The following ZMYM4 variants were observed in gnomAD, a reference collection of about 807,000 sequenced individuals.
ZMYM4 encodes zinc finger MYM-type protein 4.
In ZMYM4, 31 loss-of-function variants were observed where a neutral mutation model predicts 183.2. The ratio of observed to expected loss-of-function variants is 0.17; its 90% CI spans 0.13 to 0.23. The LOEUF (loss-of-function observed/expected upper bound fraction) is 0.23, where lower values mean the gene tolerates loss of function less well. ZMYM4 is among the 10% of genes least tolerant of loss of function. The pLI is 1.00. For missense variants in ZMYM4, 1,273 were observed against 1,840.3 expected (o/e 0.69, Z 5.64); for synonymous variants, 592 against 631.2 (o/e 0.94, Z 0.93).
intron 1 of ZMYM4, among the ~76,000 whole-genome samples, chr1:35,276,960 T>C (rs60404627): frequency 0.064 from 9,686 of 152,280 alleles, 928 homozygotes; most frequent in East Asian, 0.44. Context: ...ATGCTATTTA[T>C]TTGTTGAAAA....
rs2149054418 is a variant in ZMYM4, at chr1:35,420,355, G to C, written c.*678G>C. 1 of 153,140 alleles carries C rather than the reference G, an allele frequency of 6.5e-6. No individual in the cohort carries two copies. Among genetic ancestry groups the C allele is most frequent in the Admixed American group, 6.5e-5 (1 of 15,378 alleles). The allele number at this position is 153,140 out of a possible 1,614,324, so 9.5% of individuals were successfully genotyped here. On this transcript the variant is annotated 3_prime_UTR_variant, in exon 30 of 30. Transcript: ENST00000314607. ...TCAAGCCTTCTCAGCGGTGGGTCTG[G>C]ATGTGGGTAAACTAAGGTAAAGGGG...
chr1:35,323,073 C>G (rs1383742744), intron 1 of ZMYM4, among the ~76,000 whole-genome samples: 1 of 151,896 alleles, frequency 6.6e-6, no homozygotes, highest in Admixed American at 6.6e-5. Flanking sequence ...AATCTCGGCT[C>G]ACTGCAACCT....
Position 35,350,855 on chromosome 1 carries a change from A to G in ZMYM4, c.86-8070A>G, listed in dbSNP as rs1229413750. 5.2e-6 allele frequency: 3 copies of G among 573,122 alleles called. No homozygotes were observed. The East Asian group carries it at 9.0e-5, about 17-fold the overall frequency. The allele number at this position is 573,122 out of a possible 1,614,324, so 35.5% of individuals were successfully genotyped here. Reference sequence around the variant, plus strand: ...GTGATACAGGATAAAAATAAATACAAAACACACAAATACAGGATGATAATT... The same window carrying G: ...GTGATACAGGATAAAAATAAATACAGAACACACAAATACAGGATGATAATT... On this transcript the variant is annotated intron_variant, in intron 2 of 29. Transcript: ENST00000314607.
rs1420160407 is a variant in ZMYM4 at position 35,296,880 on chromosome 1, G to A, written c.39+27795G>A. ...TTTTTTTTTTTGAGATGGGAGTTTC[G>A]CTCTTATTGCCCAGGCTGGAGTGCA... On this transcript the variant is annotated intron_variant, in intron 1 of 29. Coordinates refer to ENST00000314607, the MANE Select transcript of ZMYM4 (RefSeq NM_005095.3). Among the ~76,000 whole-genome samples, 17 of 105,556 alleles carry A rather than the reference G, an allele frequency of 1.6e-4. 2 individuals carry two copies. The highest frequency in any genetic ancestry group is 5.0e-4 in the African/African-American group (13 of 25,876). The allele number at this position is 105,556 out of a possible 152,430, so 69.2% of individuals were successfully genotyped here.
chr1:35,326,418 A>G (rs1393307105), intron 2 of ZMYM4, among the ~76,000 whole-genome samples: 2 of 152,208 alleles, frequency 1.3e-5, no homozygotes, highest in Admixed American at 1.3e-4. Context: ...TTTGCAAAGC[A>G]AACATTGTCA....
At chr1:35,284,125 C>T (rs1171355057) in intron 1 of ZMYM4, among the ~76,000 whole-genome samples, 9 of 151,858 alleles carry the variant, frequency 5.9e-5, no homozygotes, top group African/African-American at 1.7e-4. Context: ...TACAGGTGCC[C>T]GCCACCGCGC....
In ZMYM4 at chr1:35,286,384, A is replaced by G. The variant is rs1640481434; in HGVS notation, c.39+17299A>G. 1.3e-5 allele frequency among the ~76,000 whole-genome samples: 2 copies of G among 152,144 alleles called. 1 individual carries two copies. The highest frequency in any genetic ancestry group is 2.9e-5 in the Non-Finnish European group (2 of 68,026). Reference sequence around the variant, plus strand: ...TTGAAAGATTCCTCCCCGTCCGCCAAAAAAATAGAACCAGGCTCATCTATA... The same window carrying G: ...TTGAAAGATTCCTCCCCGTCCGCCAGAAAAATAGAACCAGGCTCATCTATA... On this transcript the variant is annotated intron_variant, in intron 1 of 29. Coordinates refer to ENST00000314607, the MANE Select transcript of ZMYM4 (RefSeq NM_005095.3).
At chr1:35,356,300 C>T (rs962945464) in intron 2 of ZMYM4, among the ~76,000 whole-genome samples, 18 of 152,160 alleles carry the variant, frequency 1.2e-4, no homozygotes, top group Non-Finnish European at 2.1e-4. Context: ...ACTTCTCATG[C>T]ACTATAGAAC....
chr1:35,412,485 T>A (rs1639953319), intron 26 of ZMYM4, among the ~76,000 whole-genome samples: 1 of 152,142 alleles, frequency 6.6e-6, no homozygotes, highest in Admixed American at 6.5e-5. Flanking sequence ...TGTTCCTGGT[T>A]AAGGGGGAAG....
intron 2 of ZMYM4, among the ~76,000 whole-genome samples, chr1:35,346,078 G>A (rs564058900): frequency 1.3e-5 from 2 of 152,318 alleles, no homozygotes; most frequent in South Asian, 4.1e-4. Context: ...CATAATGTCT[G>A]CAAAGTTCAT....
chr1:35,278,034 A>G (rs1639957501), intron 1 of ZMYM4, among the ~76,000 whole-genome samples: 1 of 152,190 alleles, frequency 6.6e-6, no homozygotes, highest in Non-Finnish European at 1.5e-5. Flanking sequence ...TTTGGAGGCT[A>G]GAAGTCCAAA....
rs752264432 is a variant in ZMYM4, at chr1:35,415,726, T to A, written c.4309+12T>A. On this transcript the variant is annotated intron_variant, in intron 28 of 29. Transcript: ENST00000314607. ...GGAGTCAGAACCAGGTACGGGATAC[T>A]GTTTGTCAGATTTCTCTTTGAAGTC... 6.2e-7 allele frequency: 1 copy of A among 1,606,916 alleles called. No homozygotes were observed. Among genetic ancestry groups the A allele is most frequent in the African/African-American group, 1.3e-5 (1 of 74,844 alleles).
intron 1 of ZMYM4, among the ~76,000 whole-genome samples, chr1:35,316,220 T>C (rs1344185173): frequency 6.6e-6 from 1 of 152,202 alleles, no homozygotes; most frequent in African/African-American, 2.4e-5. Context: ...TTAAGCTTTG[T>C]TTGTTAGTAG....
intron 1 of ZMYM4, among the ~76,000 whole-genome samples, chr1:35,306,975 G>T (rs1323294306): frequency 2.0e-5 from 3 of 152,106 alleles, no homozygotes; most frequent in African/African-American, 7.2e-5. Context: ...TTCATTTTCA[G>T]ATCTGTTTTA....
chr1:35,309,291 A>C (rs1641686290), intron 1 of ZMYM4, among the ~76,000 whole-genome samples: 1 of 152,200 alleles, frequency 6.6e-6, no homozygotes, highest in Non-Finnish European at 1.5e-5. Flanking sequence ...TTTCTTTGAC[A>C]TAGACCGAAA....
chr1:35,327,602 G>C (rs1296050523), intron 2 of ZMYM4, among the ~76,000 whole-genome samples: 2 of 152,154 alleles, frequency 1.3e-5, no homozygotes, highest in African/African-American at 2.4e-5. Context: ...CTGATCTTCA[G>C]TGGATTTAGT....
In ZMYM4 at chr1:35,421,393, T is replaced by C. The variant is rs1283999079; in HGVS notation, c.*1716T>C. 2 of 152,666 alleles carry C rather than the reference T, an allele frequency of 1.3e-5. No homozygotes were observed. The highest frequency in any genetic ancestry group is 3.8e-4 in the East Asian group (2 of 5,206). 9.5% of individuals were successfully genotyped at this position (152,666 alleles called of 1,614,324 possible). A position where few individuals can be genotyped will look rare whatever the true frequency, so the allele number is the denominator to read the frequency against. On this transcript the variant is annotated 3_prime_UTR_variant, in exon 30 of 30. Transcript: ENST00000314607. ...ACTTCTTACTCCATACCTTGTTCGA[T>C]ATGGAGGACAAATAATTGGATTGTC... is the stretch of plus-strand genomic sequence containing the variant.
chr1:35,302,201 T>C (rs1411509490), intron 1 of ZMYM4, among the ~76,000 whole-genome samples: 13 of 1,664 alleles, frequency 7.8e-3, no homozygotes, highest in African/African-American at 0.011. Flanking sequence ...CGGCTCTTGC[T>C]TTTTTTTTTT....
intron 9 of ZMYM4, among the ~76,000 whole-genome samples, chr1:35,383,747 A>G (rs1336019836): frequency 6.6e-6 from 1 of 152,142 alleles, no homozygotes; most frequent in Non-Finnish European, 1.5e-5. Flanking sequence ...TTTAGTCAAA[A>G]CCTATTAAAT....
Sources: gnomAD v4.1 joint callset for allele counts (sites outside exome capture counted in the v4.1 genomes callset) on GRCh38, gnomAD v4.1.1 for gene constraint, MANE v1.5 for transcripts, NCBI Gene and HGNC (gene_info 2026-07-23, HGNC 2026-07-21) for gene names.